ASXL2: variants seen among roughly 807,000 people sequenced by gnomAD.
The protein encoded by ASXL2 is ASXL transcriptional regulator 2.
A neutral mutation model predicts 122.0 loss-of-function variants in ASXL2; 23 were observed. The observed-to-expected ratio is 0.19, with a 90% CI of 0.14 to 0.27. The LOEUF (loss-of-function observed/expected upper bound fraction) is 0.27. Ranked by LOEUF, ASXL2 falls within the 10% of genes least tolerant of loss-of-function variation. The pLI is 1.00. For synonymous variants in ASXL2, 650 were observed against 637.0 expected (o/e 1.02, Z -0.31); for missense variants, 1,518 against 1,713.8 (o/e 0.89, Z 2.02).
Position 25,735,987 on chromosome 2 carries a change from C to T in ASXL2, c.*6042G>A, listed in dbSNP as rs1455752789. ...GAACTAAAAACATGCTGTATAGTCA[C>T]TACTTTAGGAAAACCTTTCTGCAAC... On this transcript the variant is annotated 3_prime_UTR_variant, in exon 13 of 13. Coordinates refer to ENST00000435504, the MANE Select transcript of ASXL2 (RefSeq NM_018263.6). The T allele has an allele frequency of 6.6e-6, 1 of 152,218 alleles. No individual in the cohort carries two copies. 9.4% of individuals were successfully genotyped at this position (152,218 alleles called of 1,614,324 possible). A position where few individuals can be genotyped will look rare whatever the true frequency, so the allele number is the denominator to read the frequency against.
Position 25,750,183 on chromosome 2 carries a change from G to A in ASXL2, c.1373C>T (p.Ser458Phe). Residue 458 changes from serine to phenylalanine, a missense_variant, in exon 12 of 13, where the codon TCC (serine) becomes TTC (phenylalanine). Ser to Phe is a radical substitution (Grantham distance 155). Around this residue, in one of 8 missense-constraint regions of ASXL2, gnomAD observed 292 missense variants for 293.5 expected, o/e 1.00. Coordinates refer to ENST00000435504, the MANE Select transcript of ASXL2 (RefSeq NM_018263.6). ...ESQGEVQPNF[S>F]TSSEPLLSSA... ...GGAAAGCAGGGGCTCTGAAGATGTGGAGAAGTTCGGCTGCACTTCACCTTG... is the reference window on the plus strand; with the variant it reads ...GGAAAGCAGGGGCTCTGAAGATGTGAAGAAGTTCGGCTGCACTTCACCTTG... 1 of 1,613,894 alleles carries A rather than the reference G, an allele frequency of 6.2e-7. No homozygotes were observed. Among genetic ancestry groups the A allele is most frequent in the Admixed American group, 1.7e-5 (1 of 60,004 alleles).
intron 5 of ASXL2, among the ~76,000 whole-genome samples, chr2:25,797,720 C>T (rs1156379857): frequency 6.6e-6 from 1 of 152,194 alleles, no homozygotes; most frequent in Non-Finnish European, 1.5e-5. Context: ...AAATCCACAA[C>T]AATAACCACA....
chr2:25,794,517 C>A (rs1455972863), intron 5 of ASXL2, among the ~76,000 whole-genome samples: 1 of 152,084 alleles, frequency 6.6e-6, no homozygotes, highest in Non-Finnish European at 1.5e-5. Flanking sequence ...ATTGTGTATC[C>A]TGTCTGAAAA....
intron 5 of ASXL2, among the ~76,000 whole-genome samples, chr2:25,794,816 C>T (rs1300014818): frequency 6.6e-6 from 1 of 151,906 alleles, no homozygotes; most frequent in Non-Finnish European, 1.5e-5. Context: ...AGTAAAGGCC[C>T]GAAATAAGAA....
intron 5 of ASXL2, among the ~76,000 whole-genome samples, chr2:25,788,897 G>A (rs1281193413): frequency 6.6e-6 from 1 of 151,686 alleles, no homozygotes; most frequent in African/African-American, 2.4e-5. Flanking sequence ...TTTGATGAAT[G>A]CAACTTCTTA....
rs577266906 is a variant in ASXL2, at chr2:25,773,448, A to G, written c.404-1908T>C. Among the ~76,000 whole-genome samples the G allele has an allele frequency of 2.3e-4, 35 of 151,888 alleles. No homozygotes were observed. The East Asian group carries it at 3.3e-3, about 14-fold the overall frequency. ...TGGGAGGCCAAGGCGGGCGGATCAC[A>G]AGGTCAGGAGATTGAGACCATCCTG... is the stretch of plus-strand genomic sequence containing the variant. On this transcript the variant is annotated intron_variant, in intron 5 of 12. Transcript: ENST00000435504.
intron 1 of ASXL2, among the ~76,000 whole-genome samples, chr2:25,846,558 G>GA (rs1439743996): frequency 6.6e-6 from 1 of 152,128 alleles, no homozygotes; most frequent in Non-Finnish European, 1.5e-5. Flanking sequence ...TGAGGCAGGA[G>GA]AATCACTTGA....
At chr2:25,794,103 T>C (rs1418253935) in intron 5 of ASXL2, among the ~76,000 whole-genome samples, 2 of 152,200 alleles carry the variant, frequency 1.3e-5, no homozygotes, top group Non-Finnish European at 2.9e-5. Flanking sequence ...ATGTAAATGT[T>C]AGAAGGTAGA....
chr2:25,771,030 G>C (rs2088441732), intron 6 of ASXL2, among the ~76,000 whole-genome samples: 1 of 152,082 alleles, frequency 6.6e-6, no homozygotes, highest in Admixed American at 6.5e-5. Flanking sequence ...AAGGTCAAGA[G>C]ATTGAGACCA....
At chr2:25,769,847 C>G (rs1008697827) in intron 6 of ASXL2, among the ~76,000 whole-genome samples, 1 of 152,164 alleles carries the variant, frequency 6.6e-6, no homozygotes. Flanking sequence ...ACATTTCACA[C>G]GTATCTCTGG....
chr2:25,781,964 T>A (rs2088647916), intron 5 of ASXL2, among the ~76,000 whole-genome samples: 1 of 70,788 alleles, frequency 1.4e-5, no homozygotes, highest in Admixed American at 1.2e-4. Flanking sequence ...CCGGGCTTTT[T>A]TCTTTTTTTT....
rs1237494768 is a variant in ASXL2, at chr2:25,734,816, A to T, written c.*7213T>A. 6.6e-6 allele frequency: 1 copy of T among 152,210 alleles called. No individual in the cohort carries two copies. Among genetic ancestry groups the T allele is most frequent in the Non-Finnish European group, 1.5e-5 (1 of 68,022 alleles). 9.4% of individuals were successfully genotyped at this position (152,210 alleles called of 1,614,324 possible). A position where few individuals can be genotyped will look rare whatever the true frequency, so the allele number is the denominator to read the frequency against. ...ATTCCTTATCCCACAGAATGTCTCA[A>T]ATCAAACTCCAGGTTACATTCATGG... On this transcript the variant is annotated 3_prime_UTR_variant, in exon 13 of 13. Transcript: ENST00000435504.
At chr2:25,810,417 C>T (rs1012586274) in intron 3 of ASXL2, 63 of 690,470 alleles carry the variant, frequency 9.1e-5, no homozygotes, top group African/African-American at 6.5e-4. Flanking sequence ...TAGCTTTTTC[C>T]GCTTCTTCCG....
chr2:25,738,969 C>A lies in ASXL2; in HGVS notation c.*3060G>T, dbSNP rs1482742886. The A allele has an allele frequency of 6.6e-6, 1 of 152,152 alleles. No homozygotes were observed. The highest frequency in any genetic ancestry group is 1.5e-5 in the Non-Finnish European group (1 of 68,014). 9.4% of individuals were successfully genotyped at this position (152,152 alleles called of 1,614,324 possible). On this transcript the variant is annotated 3_prime_UTR_variant, in exon 13 of 13. Transcript: ENST00000435504. ...AACAACTCCAGGCTATTTGGCTTTA[C>A]TTTCTGTTTAATAGGATGGAGAATT...
chr2:25,819,088 T>C (rs2089276226), intron 3 of ASXL2, among the ~76,000 whole-genome samples: 1 of 152,172 alleles, frequency 6.6e-6, no homozygotes, highest in Admixed American at 6.5e-5. Flanking sequence ...CTCAATCTGA[T>C]AACCCACAAG....
In ASXL2 at chr2:25,836,057, T is replaced by C. The variant is rs550725131; in HGVS notation, c.141-517A>G. On this transcript the variant is annotated intron_variant, in intron 2 of 12. Coordinates refer to ENST00000435504, the MANE Select transcript of ASXL2 (RefSeq NM_018263.6). The stretch of plus-strand genomic sequence containing the variant: ...CATTTTTTTCATTACTAATCCTTCT[T>C]GACATCCCTACCAGGTTTGTGGGCT... Among the ~76,000 whole-genome samples the C allele has an allele frequency of 1.7e-4, 26 of 152,292 alleles. No homozygotes were observed. In the South Asian group the frequency reaches 5.4e-3, roughly 32 times the overall value.
At chr2:25,860,398 T>A (rs1486973072) in intron 1 of ASXL2, among the ~76,000 whole-genome samples, 1 of 151,482 alleles carries the variant, frequency 6.6e-6, no homozygotes, top group Non-Finnish European at 1.5e-5. Flanking sequence ...AGAGGGAAAT[T>A]TAAAGACTGA....
Position 25,734,363 on chromosome 2 carries a change from C to T in ASXL2, c.*7666G>A, listed in dbSNP as rs932281583. 1.3e-5 allele frequency: 2 copies of T among 152,146 alleles called. No individual in the cohort carries two copies. The highest frequency in any genetic ancestry group is 6.5e-5 in the Admixed American group (1 of 15,268). The allele number at this position is 152,146 out of a possible 1,614,324, so 9.4% of individuals were successfully genotyped here. On this transcript the variant is annotated 3_prime_UTR_variant, in exon 13 of 13. Coordinates refer to ENST00000435504, the MANE Select transcript of ASXL2 (RefSeq NM_018263.6). ...TATGTAGGTTAAGCTGGGGTCACTA[C>T]TGAAGAAGTCTCCAAACTACTGAAA...
At chr2:25,786,274 C>G (rs1427814573) in intron 5 of ASXL2, among the ~76,000 whole-genome samples, 1 of 88,588 alleles carries the variant, frequency 1.1e-5, no homozygotes, top group African/African-American at 6.4e-5. Flanking sequence ...TGGAGTCTTG[C>G]TCTGTCACCA....
Sources: allele counts gnomAD v4.1 joint callset (sites outside exome capture counted in the v4.1 genomes callset), GRCh38; gene constraint gnomAD v4.1.1; regional missense constraint gnomAD v4.1.1; transcripts MANE v1.5; gene names NCBI Gene and HGNC (gene_info 2026-07-23, HGNC 2026-07-21).